The following OPN3 variants were observed in gnomAD, a reference collection of about 807,000 sequenced individuals.
The protein encoded by OPN3 is opsin 3, also known as opsin-3.
Under a neutral mutation model 33.8 loss-of-function variants are expected in OPN3, and 29 were observed. That is an observed-to-expected ratio of 0.86 (90% CI 0.64 to 1.17). OPN3 has a LOEUF of 1.17. Ranked by LOEUF, OPN3 falls within the 50% of genes most tolerant of loss-of-function variation. The probability of loss-of-function intolerance (pLI) is 0.00; values close to 1 mark genes in which losing one functional copy is unlikely to be tolerated. For synonymous variants in OPN3, 216 were observed against 216.1 expected (o/e 1.00, Z 0.00); for missense variants, 437 against 514.1 (o/e 0.85, Z 1.45).
At chr1:241,602,884 A>G (rs554369077) in intron 2 of OPN3, among the ~76,000 whole-genome samples, 59 of 152,318 alleles carry the variant, frequency 3.9e-4, no homozygotes, top group African/African-American at 1.3e-3. Context: ...GGCATATTTG[A>G]TATGCTCAAT....
At chr1:241,626,634 C>T (rs1442349835) in intron 1 of OPN3, among the ~76,000 whole-genome samples, 1 of 152,136 alleles carries the variant, frequency 6.6e-6, no homozygotes, top group African/African-American at 2.4e-5. Context: ...CCAAATTTTT[C>T]CTTTAAAGCT....
At chr1:241,609,095 G>A (rs1014333786) in intron 1 of OPN3, among the ~76,000 whole-genome samples, 4 of 152,204 alleles carry the variant, frequency 2.6e-5, no homozygotes, top group African/African-American at 9.7e-5. Flanking sequence ...CTGATGTTGA[G>A]CCTTATTAAC....
chr1:241,632,481 A>G (rs1664678053), intron 1 of OPN3: 1 of 152,170 alleles, frequency 6.6e-6, no homozygotes, highest in African/African-American at 2.4e-5. Context: ...CACAGGGATC[A>G]TCATACTCTG....
chr1:241,610,359 G>C (rs1183036326), intron 1 of OPN3, among the ~76,000 whole-genome samples: 1 of 152,228 alleles, frequency 6.6e-6, no homozygotes, highest in Non-Finnish European at 1.5e-5. Flanking sequence ...GAATGCAATG[G>C]AGGAAGTACT....
At chr1:241,619,782 C>T (rs1664228244) in intron 1 of OPN3, among the ~76,000 whole-genome samples, 2 of 152,140 alleles carry the variant, frequency 1.3e-5, no homozygotes, top group Non-Finnish European at 2.9e-5. Flanking sequence ...AAACTTGTGG[C>T]ATATTCTAAG....
intron 1 of OPN3, chr1:241,635,466 C>T: frequency 6.2e-7 from 1 of 1,613,806 alleles, no homozygotes; most frequent in African/African-American, 1.3e-5. Flanking sequence ...TAGCAAAAAG[C>T]TTCTGTGTGT....
At position 241,597,845 on chromosome 1, in the gene OPN3, A is replaced by G. The variant is rs764391100; in HGVS notation, c.846T>C (p.His282=). Residue 282 remains histidine, a synonymous_variant, in exon 3 of 4, where the codon CAT becomes CAC. Coordinates refer to ENST00000366554, the MANE Select transcript of OPN3 (RefSeq NM_014322.3). ...IVICFLVVNG[H]GHLVTPTISI... is the part of the protein sequence containing the mutation. ...ATATTGTTGGAGTGACCAGGTGACC[A>G]TGACCATTAACCACCAAGAAGCAGA... The G allele has an allele frequency of 3.3e-5, 53 of 1,614,006 alleles. No homozygotes were observed. Among genetic ancestry groups the G allele is most frequent in the Non-Finnish European group, 4.5e-5 (53 of 1,179,992 alleles).
intron 1 of OPN3, among the ~76,000 whole-genome samples, chr1:241,625,520 AC>A (rs529495369): frequency 6.2e-4 from 94 of 152,350 alleles, no homozygotes; most frequent in Non-Finnish European, 1.0e-3. Context: ...TTTTAAAAAT[AC>A]CAAAAATTGC....
At chr1:241,635,872 C>A (rs1664878253) in intron 1 of OPN3, 1 of 1,185,754 alleles carries the variant, frequency 8.4e-7, no homozygotes, top group Non-Finnish European at 1.2e-6. Context: ...CCCAGAAGCA[C>A]TGAAGTTGCA....
intron 1 of OPN3, chr1:241,634,863 T>G: frequency 6.2e-7 from 1 of 1,609,832 alleles, no homozygotes; most frequent in Non-Finnish European, 8.5e-7. Context: ...AAACAAAATG[T>G]GAGAAATTTC....
chr1:241,619,617 G>A (rs1009146559), intron 1 of OPN3, among the ~76,000 whole-genome samples: 2 of 152,206 alleles, frequency 1.3e-5, no homozygotes, highest in Non-Finnish European at 2.9e-5. Flanking sequence ...TGCCCTTGAG[G>A]TTCACCCTGG....
chr1:241,635,857 G>C (rs1353669285), intron 1 of OPN3: 4 of 1,317,156 alleles, frequency 3.0e-6, no homozygotes, highest in Non-Finnish European at 3.1e-6. Context: ...TGATGTTCCA[G>C]TTATCCCAGA....
chr1:241,634,832 T>G, intron 1 of OPN3: 1 of 1,613,142 alleles, frequency 6.2e-7, no homozygotes, highest in Non-Finnish European at 8.5e-7. Context: ...TTGGTATTCA[T>G]CAGGATGTTG....
intron 2 of OPN3, 66 bp from the exon 3 acceptor site, chr1:241,598,063 A>G (rs1663584988): frequency 6.5e-7 from 1 of 1,531,426 alleles, no homozygotes; most frequent in Non-Finnish European, 8.8e-7. Context: ...TGTTGTTTTT[A>G]TAACAGATAT....
At chr1:241,596,531 G>A (rs1475383890) in intron 3 of OPN3, among the ~76,000 whole-genome samples, 1 of 152,106 alleles carries the variant, frequency 6.6e-6, no homozygotes, top group African/African-American at 2.4e-5. Flanking sequence ...TCAAAGAGAA[G>A]GAAAGGCAAA....
At chr1:241,637,296 G>C (rs2148031691) in intron 1 of OPN3, among the ~76,000 whole-genome samples, 1 of 152,188 alleles carries the variant, frequency 6.6e-6, no homozygotes, top group South Asian at 2.1e-4. Context: ...ATTGCATAGG[G>C]CACACACCTT....
intron 1 of OPN3, chr1:241,635,100 C>G (rs1351113655): frequency 1.2e-6 from 2 of 1,612,706 alleles, no homozygotes; most frequent in Non-Finnish European, 1.7e-6. Flanking sequence ...CCTTCTTTAA[C>G]TATTTGAGAG....
intron 1 of OPN3, among the ~76,000 whole-genome samples, chr1:241,609,574 C>T (rs1573955734): frequency 6.6e-6 from 1 of 152,298 alleles, no homozygotes; most frequent in Middle Eastern, 3.4e-3. Flanking sequence ...AAGAAGACTG[C>T]AATACTGTAT....
intron 1 of OPN3, chr1:241,633,852 C>T (rs1278896672): frequency 6.2e-7 from 1 of 1,613,838 alleles, no homozygotes; most frequent in Non-Finnish European, 8.5e-7. Flanking sequence ...TCAGAGGATT[C>T]TAGTTTGGCC....
Sources: gnomAD v4.1 joint callset for allele counts (sites outside exome capture counted in the v4.1 genomes callset) on GRCh38, gnomAD v4.1.1 for gene constraint, MANE v1.5 for transcripts, NCBI Gene and HGNC (gene_info 2026-07-23, HGNC 2026-07-21) for gene names.